DIDO1: variants seen among roughly 807,000 people sequenced by gnomAD.
DIDO1 encodes death-inducer obliterator 1.
DIDO1 carries 16 observed loss-of-function variants against 99.4 expected under a neutral mutation model. The ratio of observed to expected loss-of-function variants is 0.16; its 90% CI spans 0.11 to 0.24. DIDO1 has a LOEUF of 0.24. Among genes scored for constraint, DIDO1 ranks in the 10% least tolerant of loss-of-function variants. The pLI, the probability that DIDO1 is intolerant of heterozygous loss-of-function variation, is 1.00. For missense variants in DIDO1, 2,996 were observed against 3,014.0 expected (o/e 0.99, Z 0.14); for synonymous variants, 1,366 against 1,239.1 (o/e 1.10, Z -2.15).
chr20:62,925,816 A>T (rs1489246982), intron 1 of DIDO1, among the ~76,000 whole-genome samples: 1 of 152,104 alleles, frequency 6.6e-6, no homozygotes, highest in Non-Finnish European at 1.5e-5. Flanking sequence ...CCAACGCAAC[A>T]AACTATTCCA....
rs1325612329 is a variant in DIDO1, at chr20:62,936,869, A to G, written c.-200+927T>C. On this transcript the variant is annotated intron_variant, in intron 1 of 15. Transcript: ENST00000266070. ...AGAGTGAGACTTCGTCTCAAAATAA[A>G]TAACTAAATAAAGACCAATAACTGT... Among the ~76,000 whole-genome samples, 7 of 152,286 alleles carry G rather than the reference A, an allele frequency of 4.6e-5. No individual in the cohort carries two copies. In the East Asian group the frequency reaches 5.8e-4, roughly 13 times the overall value.
In DIDO1 at chr20:62,879,858, G is replaced by C; in HGVS notation, c.6098C>G (p.Pro2033Arg). The change falls in exon 16 of 16, where the codon CCC (proline) becomes CGC (arginine). Residue 2033 changes from proline to arginine, a missense_variant. Physicochemically the swap from Pro to Arg is moderately radical, Grantham distance 103 (BLOSUM62 -2). Around this residue, in one of 5 missense-constraint regions of DIDO1, gnomAD observed 1,562 missense variants for 1,412.6 expected, o/e 1.11. Coordinates refer to ENST00000395343, the MANE Select transcript of DIDO1 (RefSeq NM_001193369.2). The surrounding 1 kb of genome is among the most constrained non-coding windows in gnomAD (Gnocchi z 6.3). The part of the protein sequence containing the change: ...PRPLLELPSH[P>R]PQHRKDRWEE... ...CCAGCGGTCCTTCCGGTGCTGCGGG[G>C]GGTGGCTGGGAAGCTCCAGCAGGGG... 6.3e-7 allele frequency: 1 copy of C among 1,596,980 alleles called. No homozygotes were observed. Among genetic ancestry groups the C allele is most frequent in the Non-Finnish European group, 8.5e-7 (1 of 1,172,716 alleles).
rs1025452828 is a variant in DIDO1, at chr20:62,882,313, G to A, written c.3643C>T (p.Arg1215Trp). 8.1e-6 allele frequency: 13 copies of A among 1,614,054 alleles called. No homozygotes were observed. Among genetic ancestry groups the A allele is most frequent in the Non-Finnish European group, 1.1e-5 (13 of 1,180,020 alleles). ...SGELDKMDEK[R>W]TRLQPEEADV... is the part of the protein sequence containing the mutation. ...GCTTCTTCCGGTTGAAGTCGGGTCC[G>A]CTTTTCGTCCATCTTGTCTAACTCT... The change falls in exon 16 of 16, where the codon CGG (arginine) becomes TGG (tryptophan). Residue 1215 changes from arginine to tryptophan, a missense_variant. By Grantham distance (101) the Arg-to-Trp change is moderately radical. This residue lies in a region of DIDO1 where 1,562 missense variants were observed against 1,412.6 expected (regional missense o/e 1.11). Coordinates refer to ENST00000395343, the MANE Select transcript of DIDO1 (RefSeq NM_001193369.2).
chr20:62,918,359 C>T (rs746293099), intron 1 of DIDO1, among the ~76,000 whole-genome samples: 13 of 152,210 alleles, frequency 8.5e-5, no homozygotes, highest in Non-Finnish European at 1.6e-4. Context: ...CAGCCTCTAC[C>T]TCATAGGTTC....
Position 62,922,001 on chromosome 20 carries a change from C to CTA in DIDO1, c.-200+4436_-200+4437dup, listed in dbSNP as rs750495857. Among the ~76,000 whole-genome samples the CTA allele has an allele frequency of 1.3e-3, 195 of 149,250 alleles. 1 individual carries two copies. Among genetic ancestry groups the CTA allele is most frequent in the Non-Finnish European group, 2.1e-3 (145 of 67,454 alleles). ...TACATATGTCCACAATATATATACA[C>CTA]TATATATATATCCACACAATATATA... On this transcript the variant is annotated intron_variant, in intron 1 of 15. Transcript: ENST00000395343.
At chr20:62,929,511 C>A (rs1378564221), upstream of DIDO1, among the ~76,000 whole-genome samples, 3 of 151,706 alleles carry the variant, frequency 2.0e-5, no homozygotes, top group African/African-American at 4.8e-5. Context: ...TCTTTCTGGC[C>A]GGAGATCGGC....
At chr20:62,927,247 C>G (rs1490705015), upstream of DIDO1, among the ~76,000 whole-genome samples, 1 of 152,226 alleles carries the variant, frequency 6.6e-6, no homozygotes, top group Admixed American at 6.5e-5. Flanking sequence ...GAACTACTGA[C>G]CAGTAGCTAG....
At chr20:62,891,244 T>C (rs1429299305) in intron 14 of DIDO1, 89 bp from the exon 15 acceptor site, 8 of 1,568,344 alleles carry the variant, frequency 5.1e-6, no homozygotes, top group East Asian at 4.5e-5. Context: ...ACAGGAAACC[T>C]TGTCAGATCT....
At chr20:62,882,631 C>T (rs2064230622) in intron 15 of DIDO1, among the ~76,000 whole-genome samples, 1 of 152,236 alleles carries the variant, frequency 6.6e-6, no homozygotes, top group African/African-American at 2.4e-5. Flanking sequence ...ACACACCGTG[C>T]CAGGAATGCA....
chr20:62,907,996 T>C (rs2064844742), intron 4 of DIDO1, among the ~76,000 whole-genome samples: 1 of 152,158 alleles, frequency 6.6e-6, no homozygotes, highest in Non-Finnish European at 1.5e-5. Flanking sequence ...TTTTTTTTGT[T>C]TGAGACAGGG....
At position 62,905,274 on chromosome 20, in the gene DIDO1, A is replaced by C. The variant is rs1309866588; in HGVS notation, c.1588+613T>G. 6 of 1,367,994 alleles carry C rather than the reference A, an allele frequency of 4.4e-6. No individual in the cohort carries two copies. In the African/African-American group the frequency reaches 5.9e-5, roughly 13 times the overall value. The allele number at this position is 1,367,994 out of a possible 1,614,324, so 84.7% of individuals were successfully genotyped here. On this transcript the variant is annotated intron_variant, in intron 6 of 15. Transcript: ENST00000395343. ...TCACTTACCGTGGGGCCTATGAAGC[A>C]GGAGTGTGTGGCCTTCGAAGTTCGA...
intron 15 of DIDO1, chr20:62,890,599 G>T: frequency 9.2e-7 from 1 of 1,088,202 alleles, no homozygotes; most frequent in Non-Finnish European, 1.1e-6. Context: ...GCTGGCTCCC[G>T]AGTCTGTCTA....
intron 2 of DIDO1, among the ~76,000 whole-genome samples, chr20:62,912,248 C>T (rs2064959754): frequency 1.3e-5 from 2 of 152,302 alleles, no homozygotes; most frequent in East Asian, 3.9e-4. Flanking sequence ...ACCAGCCCTG[C>T]TGCCAAGTGA....
chr20:62,878,125 C>T lies in DIDO1; in HGVS notation c.*1108G>A, dbSNP rs540728162. On this transcript the variant is annotated 3_prime_UTR_variant, in exon 16 of 16. Coordinates refer to ENST00000395343, the MANE Select transcript of DIDO1 (RefSeq NM_001193369.2). ...CAATGGAATAACAGACTCCAAAGAACAAGTGAAGTTCTTTAATTTTACATC... is the reference window on the plus strand; with the variant it reads ...CAATGGAATAACAGACTCCAAAGAATAAGTGAAGTTCTTTAATTTTACATC... 7 of 152,278 alleles carry T rather than the reference C, an allele frequency of 4.6e-5. No homozygotes were observed. In the East Asian group the frequency reaches 1.3e-3, roughly 29 times the overall value. 9.4% of individuals were successfully genotyped at this position (152,278 alleles called of 1,614,324 possible).
At chr20:62,933,547 T>C (rs1244066916) in intron 1 of DIDO1, among the ~76,000 whole-genome samples, 1 of 152,220 alleles carries the variant, frequency 6.6e-6, no homozygotes, top group Non-Finnish European at 1.5e-5. Flanking sequence ...ACATGGCTGA[T>C]ATCCTGGTTT....
intron 1 of DIDO1, among the ~76,000 whole-genome samples, chr20:62,924,298 G>A (rs2065212917): frequency 6.6e-6 from 1 of 152,166 alleles, no homozygotes; most frequent in Non-Finnish European, 1.5e-5. Flanking sequence ...GACCTCTCAG[G>A]CAAGGGCACA....
chr20:62,925,336 T>C (rs2065231517), intron 1 of DIDO1, among the ~76,000 whole-genome samples: 2 of 152,254 alleles, frequency 1.3e-5, no homozygotes, highest in Admixed American at 6.5e-5. Context: ...TAAAAGGCAC[T>C]GCTAAGGACC....
rs1371597780 is a variant in DIDO1 at position 62,891,093 on chromosome 20, G to C, written c.3408C>G (p.Leu1136=). The change falls in exon 15 of 16, where the codon CTC becomes CTG. Residue 1136 remains leucine, a synonymous_variant. Coordinates refer to ENST00000395343, the MANE Select transcript of DIDO1 (RefSeq NM_001193369.2). Reference sequence around the variant, plus strand: ...GGCCACGGCTGCTGAAATAGGAGTAGAGAGAGATATAGGCGACCTCCTCTT... The same window carrying C: ...GGCCACGGCTGCTGAAATAGGAGTACAGAGAGATATAGGCGACCTCCTCTT... ...TEEEEVAYIS[L]YSYFSSRGRF... 2.5e-6 allele frequency: 4 copies of C among 1,614,042 alleles called. No homozygotes were observed. The South Asian group carries it at 4.4e-5, about 18-fold the overall frequency.
At chr20:62,897,592 A>C (rs1330513936) in intron 6 of DIDO1, among the ~76,000 whole-genome samples, 1 of 152,252 alleles carries the variant, frequency 6.6e-6, no homozygotes, top group Admixed American at 6.5e-5. Context: ...AGAAGCTGAG[A>C]ACGCAGCAAT....
Sources: gnomAD v4.1 joint callset for allele counts (sites outside exome capture counted in the v4.1 genomes callset) on GRCh38, gnomAD v4.1.1 for gene constraint, gnomAD v4.1.1 regional missense constraint, Gnocchi (gnomAD v3.1) non-coding constraint, MANE v1.5 for transcripts, NCBI Gene and HGNC (gene_info 2026-07-23, HGNC 2026-07-21) for gene names.